PLCL2: variants seen among roughly 807,000 people sequenced by gnomAD.
PLCL2 encodes inactive phospholipase C-like protein 2.
A neutral mutation model predicts 79.6 loss-of-function variants in PLCL2; 4 were observed. The observed-to-expected ratio is 0.05, with a 90% CI of 0.02 to 0.11. PLCL2 has a LOEUF of 0.11. Among genes scored for constraint, PLCL2 ranks in the 10% least tolerant of loss-of-function variants. The pLI is 1.00. For missense variants in PLCL2, 895 were observed against 1,291.0 expected (o/e 0.69, Z 4.70); for synonymous variants, 484 against 457.7 (o/e 1.06, Z -0.73).
rs989862632 is a variant in PLCL2, at chr3:16,885,321, G to A, written c.282G>A (p.Arg94=). 1.5e-6 allele frequency: 1 copy of A among 666,332 alleles called. No homozygotes were observed. 41.3% of individuals were successfully genotyped at this position (666,332 alleles called of 1,614,324 possible). A position where few individuals can be genotyped will look rare whatever the true frequency, so the allele number is the denominator to read the frequency against. ...GCGCGGTCGTCTGTACCCTCCCCCG[G>A]GAGAGCAAGCCGGGCGGCCTGCCCC... ...TPSAVVCTLP[R]ESKPGGLPRR... Residue 94 remains arginine (R), a synonymous_variant, in exon 1 of 6, where the codon CGG becomes CGA. Transcript: ENST00000615277.
chr3:16,898,940 G>A (rs912292884), intron 1 of PLCL2, among the ~76,000 whole-genome samples: 1 of 152,230 alleles, frequency 6.6e-6, no homozygotes, highest in Non-Finnish European at 1.5e-5. Context: ...GAGGGGGAGG[G>A]GGTTGCGGGG....
chr3:17,072,320 A>G (rs1001058144), intron 5 of PLCL2, among the ~76,000 whole-genome samples: 5 of 152,140 alleles, frequency 3.3e-5, no homozygotes, highest in African/African-American at 1.2e-4. Context: ...TTTGCTGGGT[A>G]TTTTTAAAGC....
rs531960440 is a variant in PLCL2, at chr3:16,951,613, T to TTA, written c.328-58059_328-58058dup. ...ATTGAAATTTTTGGCGACTTACTTT[T>TTA]TATTGTTCTCATTTTCTAAACCAGC... On this transcript the variant is annotated intron_variant, in intron 1 of 5. Transcript: ENST00000615277. Among the ~76,000 whole-genome samples the TTA allele has an allele frequency of 8.5e-5, 13 of 152,258 alleles. No homozygotes were observed. The South Asian group carries it at 2.7e-3, about 32-fold the overall frequency.
intron 3 of PLCL2, among the ~76,000 whole-genome samples, chr3:17,023,554 C>T (rs1251484540): frequency 6.6e-6 from 1 of 152,124 alleles, no homozygotes; most frequent in African/African-American, 2.4e-5. Flanking sequence ...TTGCCACCAC[C>T]ATGTAAGAAA....
chr3:16,963,898 T>C (rs1008628766), intron 1 of PLCL2, among the ~76,000 whole-genome samples: 26 of 151,980 alleles, frequency 1.7e-4, no homozygotes, highest in African/African-American at 6.0e-4. Flanking sequence ...AGGCAGGAAA[T>C]GTGTTGGTTT....
At chr3:16,962,887 T>C (rs1413867966) in intron 1 of PLCL2, among the ~76,000 whole-genome samples, 1 of 152,168 alleles carries the variant, frequency 6.6e-6, no homozygotes, top group African/African-American at 2.4e-5. Context: ...CATATGTACA[T>C]ACACACATAT....
intron 3 of PLCL2, among the ~76,000 whole-genome samples, chr3:17,017,137 G>T (rs1166425597): frequency 6.6e-6 from 1 of 152,070 alleles, no homozygotes; most frequent in Non-Finnish European, 1.5e-5. Flanking sequence ...TTGGTTCCCT[G>T]CCTCTTCCTC....
chr3:17,042,012 A>G (rs147032120), intron 3 of PLCL2, among the ~76,000 whole-genome samples: 106 of 152,326 alleles, frequency 7.0e-4, no homozygotes, highest in African/African-American at 2.3e-3. Context: ...TACTTAAAAT[A>G]TGATGGTCAT....
rs750229356 is a variant in PLCL2 at position 17,010,360 on chromosome 3, T to C, written c.1014T>C (p.Leu338=). The change falls in exon 2 of 6, where the codon CTT becomes CTC. Residue 338 remains leucine (L), a synonymous_variant. Transcript: ENST00000615277. This position sits in a 1 kb window ranked among gnomAD's most constrained non-coding sequence, Gnocchi z 5.8. The part of the protein sequence containing the change: ...KEEFIEVFHE[L]CTRPEIYFLL... ...AATTTATTGAGGTTTTTCATGAGCT[T>C]TGTACTAGACCTGAAATTTATTTCC... The C allele has an allele frequency of 1.2e-6, 2 of 1,613,952 alleles. No homozygotes were observed.
chr3:16,938,451 T>C (rs1697597303), intron 1 of PLCL2, among the ~76,000 whole-genome samples: 1 of 152,212 alleles, frequency 6.6e-6, no homozygotes, highest in South Asian at 2.1e-4. Flanking sequence ...TACCACGTTG[T>C]ATCTGCGGTG....
At chr3:17,027,053 C>T (rs2064524813) in intron 3 of PLCL2, among the ~76,000 whole-genome samples, 1 of 152,094 alleles carries the variant, frequency 6.6e-6, no homozygotes, top group South Asian at 2.1e-4. Flanking sequence ...TAGAATTCTC[C>T]ATAGCCAAAA....
intron 4 of PLCL2, among the ~76,000 whole-genome samples, chr3:17,057,359 C>A (rs1412727717): frequency 1.3e-5 from 2 of 152,124 alleles, no homozygotes; most frequent in African/African-American, 4.8e-5. Flanking sequence ...CTGTTACAAG[C>A]AGTGAGGTCA....
chr3:17,069,248 G>T (rs76069262), intron 5 of PLCL2, among the ~76,000 whole-genome samples: 6,409 of 152,264 alleles, frequency 0.042, 201 homozygotes, highest in Middle Eastern at 0.085. Flanking sequence ...AATGGGCCCA[G>T]TGCTCAGAAA....
chr3:16,980,492 C>T (rs1230620798), intron 1 of PLCL2, among the ~76,000 whole-genome samples: 5 of 150,034 alleles, frequency 3.3e-5, no homozygotes, highest in East Asian at 2.0e-4. Context: ...CCTCACATCC[C>T]GGACGGGGCG....
intron 1 of PLCL2, among the ~76,000 whole-genome samples, chr3:16,913,983 T>A (rs1247580782): frequency 2.0e-5 from 3 of 152,262 alleles, no homozygotes; most frequent in African/African-American, 7.2e-5. Flanking sequence ...CTGTGATATA[T>A]GACTTGCCAG....
intron 1 of PLCL2, among the ~76,000 whole-genome samples, chr3:16,971,184 T>G (rs1209691602): frequency 4.0e-5 from 6 of 151,770 alleles, no homozygotes; most frequent in Admixed American, 6.6e-5. Flanking sequence ...TCTAGGGTTT[T>G]TATGGTTTTA....
chr3:17,005,228 T>G (rs960626654), intron 1 of PLCL2, among the ~76,000 whole-genome samples: 41 of 152,176 alleles, frequency 2.7e-4, no homozygotes, highest in African/African-American at 9.7e-4. Context: ...CAGCAGGGCA[T>G]TAACTATCTG....
At chr3:16,944,523 G>T (rs1330368152) in intron 1 of PLCL2, among the ~76,000 whole-genome samples, 1 of 152,062 alleles carries the variant, frequency 6.6e-6, no homozygotes, top group Admixed American at 6.6e-5. Flanking sequence ...GAGGTCATTG[G>T]GATGGGCTCT....
intron 5 of PLCL2, among the ~76,000 whole-genome samples, chr3:17,075,410 T>C (rs9820179): frequency 0.021 from 3,173 of 152,098 alleles, 107 homozygotes; most frequent in African/African-American, 0.073. Context: ...ATAACTAATA[T>C]AATAATAGTG....
Sources: allele counts gnomAD v4.1 joint callset (sites outside exome capture counted in the v4.1 genomes callset), GRCh38; gene constraint gnomAD v4.1.1; non-coding constraint Gnocchi (gnomAD v3.1); transcripts MANE v1.5; gene names NCBI Gene and HGNC (gene_info 2026-07-23, HGNC 2026-07-21).